CDH12: variants seen among roughly 807,000 people sequenced by gnomAD.
CDH12 encodes the protein cadherin 12, also known as cadherin-12.
A neutral mutation model predicts 74.1 loss-of-function variants in CDH12; 41 were observed. The ratio of observed to expected loss-of-function variants is 0.55; its 90% CI spans 0.43 to 0.72. CDH12 has a LOEUF of 0.72. CDH12 is among the 30% of genes least tolerant of loss of function. The pLI, the probability that CDH12 is intolerant of heterozygous loss-of-function variation, is 0.00. For missense variants in CDH12, 945 were observed against 977.2 expected (o/e 0.97, Z 0.44); for synonymous variants, 399 against 355.0 (o/e 1.12, Z -1.39).
intron 3 of CDH12, among the ~76,000 whole-genome samples, chr5:22,215,336 G>A (rs1281548299): frequency 6.6e-6 from 1 of 151,908 alleles, no homozygotes; most frequent in Non-Finnish European, 1.5e-5. Context: ...TAGATTTTAT[G>A]ATTAACAAAA....
At chr5:22,703,649 T>A (rs768377195) in intron 1 of CDH12, among the ~76,000 whole-genome samples, 30 of 152,316 alleles carry the variant, frequency 2.0e-4, no homozygotes, top group Middle Eastern at 6.8e-3. Flanking sequence ...CTCTGCATTC[T>A]TTGAACCCTA....
At chr5:22,269,729 AG>A (rs1397871342) in intron 3 of CDH12, among the ~76,000 whole-genome samples, 4 of 152,210 alleles carry the variant, frequency 2.6e-5, no homozygotes, top group Non-Finnish European at 4.4e-5. Flanking sequence ...GAATATTATG[AG>A]AGCAATTATA....
At chr5:22,048,841 A>G (rs1274897299) in intron 5 of CDH12, among the ~76,000 whole-genome samples, 1 of 151,228 alleles carries the variant, frequency 6.6e-6, no homozygotes, top group Non-Finnish European at 1.5e-5. Context: ...ACATTCTACA[A>G]ATAATAATAA....
chr5:22,408,175 A>G (rs1178160415), intron 2 of CDH12, among the ~76,000 whole-genome samples: 1 of 146,314 alleles, frequency 6.8e-6, no homozygotes, highest in Non-Finnish European at 1.5e-5. Flanking sequence ...TAGCAAAATG[A>G]TGTGTTTTCC....
intron 3 of CDH12, among the ~76,000 whole-genome samples, chr5:22,346,595 T>A (rs1459034611): frequency 6.6e-6 from 1 of 152,204 alleles, no homozygotes; most frequent in East Asian, 1.9e-4. Context: ...TCAACATTAA[T>A]TAAAAATATG....
chr5:22,654,198 TTTTC>T (rs748236994), intron 1 of CDH12, among the ~76,000 whole-genome samples: 45 of 150,314 alleles, frequency 3.0e-4, no homozygotes, highest in Non-Finnish European at 3.7e-4. Context: ...TCTTTCTTTC[TTTTC>T]TTTCTTTCTT....
intron 4 of CDH12, among the ~76,000 whole-genome samples, chr5:22,125,843 G>A (rs981874964): frequency 4.6e-5 from 7 of 152,132 alleles, no homozygotes; most frequent in Admixed American, 4.6e-4. Context: ...CTGATAGAAG[G>A]AGAAACCCTG....
At chr5:22,831,859 C>T (rs1268282603) in intron 1 of CDH12, among the ~76,000 whole-genome samples, 2 of 151,800 alleles carry the variant, frequency 1.3e-5, no homozygotes, top group South Asian at 2.1e-4. Context: ...ATTGCACCAC[C>T]GCACTCCAGC....
intron 2 of CDH12, among the ~76,000 whole-genome samples, chr5:22,417,335 G>C (rs548015992): frequency 6.6e-6 from 1 of 152,182 alleles, no homozygotes; most frequent in Non-Finnish European, 1.5e-5. Context: ...TATGAGGGTC[G>C]TGCCTTTCTG....
chr5:21,866,122 C>T (rs1751313123), intron 6 of CDH12, among the ~76,000 whole-genome samples: 1 of 152,192 alleles, frequency 6.6e-6, no homozygotes, highest in South Asian at 2.1e-4. Context: ...GATTGTGAGG[C>T]CTCTCCAGTC....
intron 6 of CDH12, among the ~76,000 whole-genome samples, chr5:21,912,558 GA>G (rs1753903979): frequency 6.6e-6 from 1 of 152,112 alleles, no homozygotes; most frequent in Admixed American, 6.6e-5. Flanking sequence ...CCACACATGA[GA>G]CAGTAGCCAC....
chr5:22,656,692 G>A (rs1033678564), intron 1 of CDH12, among the ~76,000 whole-genome samples: 2 of 152,018 alleles, frequency 1.3e-5, no homozygotes, highest in Non-Finnish European at 2.9e-5. Context: ...TACAAACTCA[G>A]GAGTATTACT....
chr5:22,304,288 T>C (rs1459505700), intron 3 of CDH12, among the ~76,000 whole-genome samples: 2 of 152,170 alleles, frequency 1.3e-5, no homozygotes, highest in East Asian at 3.9e-4. Context: ...TGACTATTTT[T>C]GCCTGTTTCA....
At chr5:22,131,246 A>T (rs1746162225) in intron 4 of CDH12, among the ~76,000 whole-genome samples, 1 of 152,062 alleles carries the variant, frequency 6.6e-6, no homozygotes, top group African/African-American at 2.4e-5. Context: ...GAAATCAAAC[A>T]TCTGGAATTC....
rs191445524 is a variant in CDH12 at position 22,150,584 on chromosome 5, A to C, written c.-187+61914T>G. Among the ~76,000 whole-genome samples the C allele has an allele frequency of 3.3e-5, 5 of 152,240 alleles. No homozygotes were observed. The East Asian group carries it at 9.6e-4, about 29-fold the overall frequency. ...AAGAATTTATGTATAGCTATGCTGA[A>C]CATTTGGCTATCAGATAAAACTGTA... On this transcript the variant is annotated intron_variant, in intron 4 of 14. Transcript: ENST00000382254.
rs1745356176 is a variant in CDH12, at chr5:22,747,546, C to T, written c.-523+105512G>A. On this transcript the variant is annotated intron_variant, in intron 1 of 14. Coordinates refer to ENST00000382254, the MANE Select transcript of CDH12 (RefSeq NM_004061.5). The stretch of plus-strand genomic sequence containing the variant: ...TTACTCATCTGGGAGGTGGAGGTTG[C>T]AGTGCAGTGAGCCTAGATTGCGCTA... Among the ~76,000 whole-genome samples, 6 of 134,954 alleles carry T rather than the reference C, an allele frequency of 4.4e-5. No individual in the cohort carries two copies. The South Asian group carries it at 1.4e-3, about 31-fold the overall frequency. 88.5% of individuals were successfully genotyped at this position (134,954 alleles called of 152,430 possible).
intron 2 of CDH12, among the ~76,000 whole-genome samples, chr5:22,485,643 C>T (rs892323682): frequency 1.3e-5 from 2 of 152,030 alleles, no homozygotes; most frequent in African/African-American, 4.8e-5. Context: ...TTTCTGTTCT[C>T]TTTAGCCTTA....
intron 3 of CDH12, among the ~76,000 whole-genome samples, chr5:22,295,979 A>C (rs1246320238): frequency 1.3e-5 from 2 of 152,080 alleles, no homozygotes; most frequent in East Asian, 3.8e-4. Context: ...TAATTTTATT[A>C]CTTTAAAATA....
intron 1 of CDH12, among the ~76,000 whole-genome samples, chr5:22,792,176 C>T (rs1010557518): frequency 6.6e-6 from 1 of 151,112 alleles, no homozygotes; most frequent in African/African-American, 2.4e-5. Flanking sequence ...GTGACCTCCG[C>T]CTCCTGGGTT....
Sources: gnomAD v4.1 joint callset for allele counts (sites outside exome capture counted in the v4.1 genomes callset) on GRCh38, gnomAD v4.1.1 for gene constraint, MANE v1.5 for transcripts, NCBI Gene and HGNC (gene_info 2026-07-23, HGNC 2026-07-21) for gene names.